The following NEGR1 variants were observed in gnomAD, a reference collection of about 807,000 sequenced individuals.
NEGR1 encodes neuronal growth regulator 1, also known as IgLON family member 4.
NEGR1 carries 10 observed loss-of-function variants against 40.9 expected under a neutral mutation model. The ratio of observed to expected loss-of-function variants is 0.24; its 90% CI spans 0.15 to 0.42. The LOEUF (loss-of-function observed/expected upper bound fraction) is 0.42, where lower values mean the gene tolerates loss of function less well. Among genes scored for constraint, NEGR1 ranks in the 10% least tolerant of loss-of-function variants. The pLI is 1.00. For missense variants in NEGR1, 352 were observed against 438.9 expected (o/e 0.80, Z 1.77); for synonymous variants, 185 against 166.8 (o/e 1.11, Z -0.84).
chr1:71,546,810 A>G (rs1284274904), intron 6 of NEGR1, among the ~76,000 whole-genome samples: 1 of 151,624 alleles, frequency 6.6e-6, no homozygotes, highest in African/African-American at 2.4e-5. Context: ...AGTGTGACTG[A>G]GTAGAAAAGA....
In NEGR1 at chr1:71,581,625, C is replaced by A. The variant is rs1052514377; in HGVS notation, c.940+11192G>T. ...AATCAGTGAAAGAATCTGTGAGAAGCAACTGACTATATGGAATTTACAATA... is the reference window on the plus strand; with the variant it reads ...AATCAGTGAAAGAATCTGTGAGAAGAAACTGACTATATGGAATTTACAATA... On this transcript the variant is annotated intron_variant, in intron 6 of 6. Transcript: ENST00000357731. 4.0e-5 allele frequency among the ~76,000 whole-genome samples: 6 copies of A among 151,788 alleles called. No homozygotes were observed. The East Asian group carries it at 1.2e-3, about 29-fold the overall frequency.
intron 1 of NEGR1, among the ~76,000 whole-genome samples, chr1:72,205,880 C>T (rs557804721): frequency 6.7e-6 from 1 of 149,058 alleles, no homozygotes; most frequent in African/African-American, 2.5e-5. Context: ...GAGGTCGAGG[C>T]TGCAATGAGC....
intron 1 of NEGR1, among the ~76,000 whole-genome samples, chr1:72,016,046 A>G (rs559184277): frequency 6.6e-6 from 1 of 152,316 alleles, no homozygotes; most frequent in South Asian, 2.1e-4. Flanking sequence ...ATTATCCTTC[A>G]TTCTGAGATC....
intron 2 of NEGR1, among the ~76,000 whole-genome samples, chr1:71,815,825 T>A (rs1470797843): frequency 1.3e-5 from 2 of 150,634 alleles, no homozygotes; most frequent in Non-Finnish European, 3.0e-5. Flanking sequence ...CTTCCTCGAC[T>A]TTTTTTACTT....
At chr1:72,066,539 A>C (rs1236096477) in intron 1 of NEGR1, among the ~76,000 whole-genome samples, 1 of 152,106 alleles carries the variant, frequency 6.6e-6, no homozygotes, top group African/African-American at 2.4e-5. Context: ...TTGGAGATAG[A>C]TTCCTTAAGG....
chr1:72,082,121 C>T (rs1648027690), intron 1 of NEGR1, among the ~76,000 whole-genome samples: 1 of 152,040 alleles, frequency 6.6e-6, no homozygotes, highest in Non-Finnish European at 1.5e-5. Context: ...AGCCCATTTT[C>T]CAACCAAAAG....
chr1:72,021,270 G>T (rs1336036361), intron 1 of NEGR1, among the ~76,000 whole-genome samples: 2 of 152,092 alleles, frequency 1.3e-5, no homozygotes, highest in South Asian at 2.1e-4. Context: ...AAAGTTTGAA[G>T]AATTTATATA....
At chr1:71,940,653 G>C (rs1937189) in intron 1 of NEGR1, among the ~76,000 whole-genome samples, 62,106 of 151,958 alleles carry the variant, frequency 0.41, 13,805 homozygotes, top group East Asian at 0.64. Flanking sequence ...GCAGGTCTCT[G>C]TTTTGGGGGT....
At chr1:71,990,264 G>A (rs932272662) in intron 1 of NEGR1, among the ~76,000 whole-genome samples, 4 of 152,078 alleles carry the variant, frequency 2.6e-5, no homozygotes, top group Non-Finnish European at 5.9e-5. Context: ...TCCCCAGAAC[G>A]CTTCAAGTTT....
chr1:72,107,646 T>A (rs1213906557), intron 1 of NEGR1, among the ~76,000 whole-genome samples: 1 of 151,470 alleles, frequency 6.6e-6, no homozygotes, highest in Non-Finnish European at 1.5e-5. Context: ...AATGTGTTTA[T>A]TTAAATAAAT....
intron 6 of NEGR1, among the ~76,000 whole-genome samples, chr1:71,474,517 T>TAC (rs57225665): frequency 0.081 from 9,340 of 115,314 alleles, 389 homozygotes; most frequent in African/African-American, 0.11. Flanking sequence ...CTACTAACAA[T>TAC]ACACACACAC....
chr1:71,873,194 T>G (rs1373246499), intron 2 of NEGR1, among the ~76,000 whole-genome samples: 1 of 151,070 alleles, frequency 6.6e-6, no homozygotes, highest in Non-Finnish European at 1.5e-5. Flanking sequence ...AGTTCATTTA[T>G]CTACATGAAT....
chr1:71,591,436 T>C (rs1649496872), intron 6 of NEGR1, among the ~76,000 whole-genome samples: 1 of 152,198 alleles, frequency 6.6e-6, no homozygotes, highest in South Asian at 2.1e-4. Context: ...AAACGTAATA[T>C]GTTATTAAGC....
intron 1 of NEGR1, among the ~76,000 whole-genome samples, chr1:71,950,396 T>C (rs1018513552): frequency 6.6e-6 from 1 of 152,058 alleles, no homozygotes. Context: ...GAAAAAAGAA[T>C]GCAAATTGAG....
chr1:71,443,753 G>A (rs1440250338), intron 6 of NEGR1, among the ~76,000 whole-genome samples: 1 of 152,108 alleles, frequency 6.6e-6, no homozygotes, highest in Non-Finnish European at 1.5e-5. Flanking sequence ...TATAATTTGT[G>A]AGAAACATAC....
At chr1:71,443,453 A>G (rs1477728502) in intron 6 of NEGR1, among the ~76,000 whole-genome samples, 2 of 152,130 alleles carry the variant, frequency 1.3e-5, no homozygotes, top group Admixed American at 1.3e-4. Context: ...TTTTAGTTAT[A>G]TGTTATCTTC....
chr1:72,269,467 C>T (rs1051566459), intron 1 of NEGR1, among the ~76,000 whole-genome samples: 1 of 151,612 alleles, frequency 6.6e-6, no homozygotes, highest in African/African-American at 2.4e-5. Flanking sequence ...AGCTTCAGGA[C>T]ATATTGCGGC....
At chr1:71,674,586 GCACACACACACACA>G (rs3220087) in intron 4 of NEGR1, among the ~76,000 whole-genome samples, 14 of 146,806 alleles carry the variant, frequency 9.5e-5, no homozygotes, top group Non-Finnish European at 2.0e-4. Flanking sequence ...TGCTGGGAGG[GCACACACACACACA>G]CACACACACA....
chr1:72,134,003 C>G (rs114317094), intron 1 of NEGR1, among the ~76,000 whole-genome samples: 2,466 of 151,486 alleles, frequency 0.016, 70 homozygotes, highest in African/African-American at 0.057. Context: ...AAATATCATA[C>G]AGGAAAAAAA....
Sources: gnomAD v4.1 joint callset for allele counts (sites outside exome capture counted in the v4.1 genomes callset) on GRCh38, gnomAD v4.1.1 for gene constraint, MANE v1.5 for transcripts, NCBI Gene and HGNC (gene_info 2026-07-23, HGNC 2026-07-21) for gene names.